The following ADCY2 variants were observed in gnomAD, a reference collection of about 807,000 sequenced individuals.
ADCY2 encodes adenylate cyclase type 2.
A neutral mutation model predicts 125.2 loss-of-function variants in ADCY2; 31 were observed. The ratio of observed to expected loss-of-function variants is 0.25; its 90% CI spans 0.19 to 0.33. The LOEUF (loss-of-function observed/expected upper bound fraction) is 0.33, where lower values mean the gene tolerates loss of function less well. Among genes scored for constraint, ADCY2 ranks in the 10% least tolerant of loss-of-function variants. The pLI is 1.00. For synonymous variants in ADCY2, 512 were observed against 548.4 expected, an observed-to-expected ratio of 0.93 and a Z score of 0.93; for missense variants, 904 against 1,418.2, an observed-to-expected ratio of 0.64 and a Z score of 5.82.
intron 5 of ADCY2, chr5:7,691,152 G>A (rs1009325357): frequency 1.4e-4 from 25 of 177,384 alleles, no homozygotes; most frequent in Admixed American, 8.1e-4. Flanking sequence ...TGGAAACCCC[G>A]TGGTCAGATT....
intron 4 of ADCY2, among the ~76,000 whole-genome samples, chr5:7,663,193 G>A (rs1342952897): frequency 6.6e-6 from 1 of 152,182 alleles, no homozygotes; most frequent in Admixed American, 6.5e-5. Flanking sequence ...GACAGAGTTA[G>A]GTACACACCT....
intron 5 of ADCY2, among the ~76,000 whole-genome samples, chr5:7,695,387 G>A (rs536202267): frequency 7.9e-5 from 12 of 152,156 alleles, no homozygotes; most frequent in South Asian, 2.1e-4. Flanking sequence ...AATTCTGAAC[G>A]TCAGGAAGAT....
At chr5:7,763,279 G>A (rs1743289217) in intron 16 of ADCY2, among the ~76,000 whole-genome samples, 1 of 151,372 alleles carries the variant, frequency 6.6e-6, no homozygotes, top group East Asian at 1.9e-4. Flanking sequence ...TTTTAGTAGA[G>A]ACGGGGTTTC....
intron 19 of ADCY2, among the ~76,000 whole-genome samples, chr5:7,784,659 C>T (rs911850155): frequency 6.6e-6 from 1 of 151,704 alleles, no homozygotes; most frequent in African/African-American, 2.4e-5. Context: ...CCACAAAAGG[C>T]AAATGTTATG....
chr5:7,424,762 A>C (rs1348446738), intron 2 of ADCY2, among the ~76,000 whole-genome samples: 1 of 152,230 alleles, frequency 6.6e-6, no homozygotes, highest in Non-Finnish European at 1.5e-5. Context: ...GAATAATAAT[A>C]GCCCATGTAT....
At chr5:7,813,686 A>G (rs1296507411) in intron 22 of ADCY2, among the ~76,000 whole-genome samples, 4 of 152,320 alleles carry the variant, frequency 2.6e-5, no homozygotes, top group East Asian at 3.9e-4. Context: ...CTAAGCCCAA[A>G]TGACTTACTG....
chr5:7,745,608 C>T (rs1437623021), intron 15 of ADCY2, among the ~76,000 whole-genome samples: 1 of 152,150 alleles, frequency 6.6e-6, no homozygotes, highest in Non-Finnish European at 1.5e-5. Context: ...CGGAATCATC[C>T]CTCAGGTGGA....
chr5:7,787,585 A>G (rs1563912), intron 19 of ADCY2, among the ~76,000 whole-genome samples: 51,852 of 152,042 alleles, frequency 0.34, 9,117 homozygotes, highest in Admixed American at 0.47. Context: ...TGTGCCAGCT[A>G]CTTACATATA....
intron 2 of ADCY2, among the ~76,000 whole-genome samples, chr5:7,494,965 G>C (rs902783305): frequency 1.3e-5 from 2 of 152,156 alleles, no homozygotes; most frequent in African/African-American, 4.8e-5. Context: ...TGTGCCAGTG[G>C]CTGCACCCAA....
At chr5:7,725,021 A>C (rs553290320) in intron 13 of ADCY2, among the ~76,000 whole-genome samples, 1 of 152,340 alleles carries the variant, frequency 6.6e-6, no homozygotes, top group African/African-American at 2.4e-5. Context: ...TGAGTTTTAC[A>C]TTCAATGCTT....
intron 2 of ADCY2, among the ~76,000 whole-genome samples, chr5:7,425,567 A>C (rs957110876): frequency 6.6e-6 from 1 of 152,266 alleles, no homozygotes; most frequent in Admixed American, 6.5e-5. Flanking sequence ...AAATAAATTC[A>C]GAGTTTAAAT....
intron 11 of ADCY2, among the ~76,000 whole-genome samples, chr5:7,715,668 T>G (rs1322938656): frequency 6.6e-6 from 1 of 152,176 alleles, no homozygotes; most frequent in Non-Finnish European, 1.5e-5. Flanking sequence ...GAGGATCACT[T>G]AATATGATTC....
chr5:7,494,344 T>C (rs1301361575), intron 2 of ADCY2, among the ~76,000 whole-genome samples: 6 of 152,038 alleles, frequency 3.9e-5, no homozygotes, highest in African/African-American at 1.4e-4. Flanking sequence ...CCCTGATCAA[T>C]TCTAAACTTC....
chr5:7,414,747 G>T lies in ADCY2; in HGVS notation c.385G>T (p.Gly129Cys), dbSNP rs765899703. The change falls in exon 2 of 25, where the codon GGC becomes TGC. Residue 129 changes from glycine (G) to cysteine (C), a missense_variant. Around this residue, in one of 7 missense-constraint regions of ADCY2, gnomAD observed 121 missense variants for 161.5 expected, o/e 0.75. Transcript: ENST00000338316. ...AMGYLFMCFG[G>C]TVSPWDQVSF... ...GGGATACCTGTTCATGTGTTTTGGA[G>T]GCACCGTCTCTCCCTGGGACCAGGT... 4 of 1,611,828 alleles carry T rather than the reference G, an allele frequency of 2.5e-6. No homozygotes were observed. The Admixed American group carries it at 6.7e-5, about 27-fold the overall frequency.
chr5:7,518,839 T>A (rs969071700), intron 2 of ADCY2, among the ~76,000 whole-genome samples: 2 of 152,170 alleles, frequency 1.3e-5, no homozygotes, highest in South Asian at 4.1e-4. Context: ...GGACGCAGAC[T>A]GTGAGATGAC....
intron 3 of ADCY2, among the ~76,000 whole-genome samples, chr5:7,555,571 C>T (rs1735484253): frequency 6.6e-6 from 1 of 152,006 alleles, no homozygotes; most frequent in Non-Finnish European, 1.5e-5. Flanking sequence ...TGTCCATAGT[C>T]AAAAAGCACT....
chr5:7,773,395 T>G (rs775556070), intron 18 of ADCY2, among the ~76,000 whole-genome samples: 1 of 152,206 alleles, frequency 6.6e-6, no homozygotes, highest in Non-Finnish European at 1.5e-5. Context: ...TCAGCACTAT[T>G]GACATTTTGG....
intron 3 of ADCY2, among the ~76,000 whole-genome samples, chr5:7,598,758 G>T (rs1737097337): frequency 6.6e-6 from 1 of 152,162 alleles, no homozygotes; most frequent in Non-Finnish European, 1.5e-5. Context: ...CAGCAGTGAT[G>T]TGTGACACCT....
intron 2 of ADCY2, among the ~76,000 whole-genome samples, chr5:7,433,870 T>G (rs1423092906): frequency 6.6e-6 from 1 of 152,120 alleles, no homozygotes; most frequent in African/African-American, 2.4e-5. Context: ...AGAAAAAAAT[T>G]GGCTATCTTT....
Sources: gnomAD v4.1 joint callset for allele counts (sites outside exome capture counted in the v4.1 genomes callset) on GRCh38, gnomAD v4.1.1 for gene constraint, gnomAD v4.1.1 regional missense constraint, MANE v1.5 for transcripts, NCBI Gene and HGNC (gene_info 2026-07-23, HGNC 2026-07-21) for gene names.